Variants in RMDN2 observed in about 807,000 individuals in gnomAD.
RMDN2 encodes regulator of microtubule dynamics 2.
A neutral mutation model predicts 52.8 loss-of-function variants in RMDN2; 61 were observed. The ratio of observed to expected loss-of-function variants is 1.16; its 90% CI spans 0.94 to 1.43. The LOEUF (loss-of-function observed/expected upper bound fraction) is 1.43. Ranked by LOEUF, RMDN2 falls within the 40% of genes most tolerant of loss-of-function variation. The probability of loss-of-function intolerance (pLI) is 0.00; values close to 1 mark genes in which losing one functional copy is unlikely to be tolerated. For synonymous variants in RMDN2, 180 were observed against 153.1 expected (o/e 1.18, Z -1.30); for missense variants, 592 against 475.3 (o/e 1.25, Z -2.28).
intron 10 of RMDN2, among the ~76,000 whole-genome samples, chr2:38,052,207 C>G (rs900641540): frequency 3.3e-5 from 5 of 152,108 alleles, no homozygotes; most frequent in African/African-American, 4.8e-5. Context: ...TGATAATAGA[C>G]ATTGTAACTG....
intron 10 of RMDN2, among the ~76,000 whole-genome samples, chr2:38,059,225 TAATTTA>T (rs1213435253): frequency 6.6e-6 from 1 of 152,176 alleles, no homozygotes; most frequent in Non-Finnish European, 1.5e-5. Flanking sequence ...TAATTTTAAT[TAATTTA>T]AATTTAAATA....
At chr2:37,986,030 G>A (rs536310369) in intron 5 of RMDN2, among the ~76,000 whole-genome samples, 4 of 152,142 alleles carry the variant, frequency 2.6e-5, no homozygotes, top group Non-Finnish European at 5.9e-5. Flanking sequence ...TCTGTACTAT[G>A]AGAATTTTTT....
chr2:38,020,887 G>A (rs556111840), downstream of RMDN2, among the ~76,000 whole-genome samples: 1 of 152,326 alleles, frequency 6.6e-6, no homozygotes, highest in South Asian at 2.1e-4. Context: ...CAAGGGCTGA[G>A]GAGTGCGGCG....
At chr2:37,972,712 A>G (rs1017889006) in intron 2 of RMDN2, among the ~76,000 whole-genome samples, 1 of 152,094 alleles carries the variant, frequency 6.6e-6, no homozygotes, top group Non-Finnish European at 1.5e-5. Context: ...GCTTAGACCA[A>G]GGTGGTAGTG....
intron 10 of RMDN2, among the ~76,000 whole-genome samples, chr2:38,053,257 C>T (rs895057180): frequency 6.6e-6 from 1 of 152,250 alleles, no homozygotes. Flanking sequence ...CAAAGACCCA[C>T]AGCCTCACTT....
intron 5 of RMDN2, among the ~76,000 whole-genome samples, chr2:37,987,241 A>T (rs761180850): frequency 6.6e-6 from 1 of 151,242 alleles, no homozygotes; most frequent in East Asian, 1.9e-4. Context: ...ATTGAAATAC[A>T]TAGATGAAAA....
intron 2 of RMDN2, among the ~76,000 whole-genome samples, chr2:37,959,745 G>C (rs1489283352): frequency 1.3e-5 from 2 of 150,838 alleles, no homozygotes; most frequent in South Asian, 2.1e-4. Context: ...TGATGTTAGG[G>C]TGTCAATTTT....
At chr2:38,027,825 G>T (rs1360899491) in intron 10 of RMDN2, among the ~76,000 whole-genome samples, 2 of 152,152 alleles carry the variant, frequency 1.3e-5, no homozygotes, top group Non-Finnish European at 2.9e-5. Flanking sequence ...AATGCCATTG[G>T]AAATTATTAA....
At chr2:37,953,344 T>A (rs565329456) in intron 2 of RMDN2, among the ~76,000 whole-genome samples, 1 of 151,996 alleles carries the variant, frequency 6.6e-6, no homozygotes, top group African/African-American at 2.4e-5. Flanking sequence ...AAATAAGAAC[T>A]CTCTACTCTC....
intron 1 of RMDN2, among the ~76,000 whole-genome samples, chr2:37,926,752 A>G (rs1666311998): frequency 6.6e-6 from 1 of 152,200 alleles, no homozygotes; most frequent in Non-Finnish European, 1.5e-5. Flanking sequence ...GCCTAGCAAC[A>G]TAGGGAGACT....
At chr2:38,041,423 A>G (rs951111269) in intron 10 of RMDN2, among the ~76,000 whole-genome samples, 3 of 81,174 alleles carry the variant, frequency 3.7e-5, no homozygotes, top group Non-Finnish European at 6.8e-5. Flanking sequence ...CATTTTTTTT[A>G]TTGGTTTTTT....
Position 37,937,101 on chromosome 2 carries a change from G to T in RMDN2, c.452+7372G>T, listed in dbSNP as rs149653419. Among the ~76,000 whole-genome samples the T allele has an allele frequency of 1.4e-3, 218 of 152,112 alleles. 5 individuals are homozygous for T. The East Asian group carries it at 0.037, about 26-fold the overall frequency. On this transcript the variant is annotated intron_variant, in intron 2 of 10. Transcript: ENST00000354545. ...GTATCAGGTGTAAGGAAGGGGTCCAGTTTCAGTTTTTTTTTGCATATGGCT... is the reference window on the plus strand; with the variant it reads ...GTATCAGGTGTAAGGAAGGGGTCCATTTTCAGTTTTTTTTTGCATATGGCT...
At chr2:37,924,313 C>T (rs1000104937), upstream of RMDN2, among the ~76,000 whole-genome samples, 8 of 152,194 alleles carry the variant, frequency 5.3e-5, no homozygotes, top group Admixed American at 3.9e-4. Flanking sequence ...TAATGTTATG[C>T]AAACCTAAGC....
At chr2:38,005,656 G>T (rs894377135) in intron 10 of RMDN2, among the ~76,000 whole-genome samples, 17 of 152,030 alleles carry the variant, frequency 1.1e-4, no homozygotes, top group South Asian at 2.1e-4. Context: ...GTAGGTTGCC[G>T]GTTCACTCTG....
chr2:37,968,416 G>T (rs1671356964), intron 2 of RMDN2, among the ~76,000 whole-genome samples: 1 of 143,514 alleles, frequency 7.0e-6, no homozygotes, highest in South Asian at 2.2e-4. Context: ...TCCAGCCTGG[G>T]TGACAGAGCG....
chr2:38,050,308 A>C (rs541404314), intron 10 of RMDN2, among the ~76,000 whole-genome samples: 1 of 151,734 alleles, frequency 6.6e-6, no homozygotes, highest in Admixed American at 6.6e-5. Flanking sequence ...CTGCTGCACC[A>C]ATCTCACCAG....
intron 1 of RMDN2, among the ~76,000 whole-genome samples, chr2:37,928,122 T>C (rs1203146870): frequency 6.6e-6 from 1 of 152,258 alleles, no homozygotes; most frequent in Non-Finnish European, 1.5e-5. Context: ...TGGAAGATTA[T>C]TTTAAAGTCA....
intron 6 of RMDN2, among the ~76,000 whole-genome samples, chr2:37,990,614 T>C (rs1674659188): frequency 6.6e-6 from 1 of 151,242 alleles, no homozygotes; most frequent in African/African-American, 2.4e-5. Flanking sequence ...TCTCTGCATA[T>C]TGATTTGGTG....
chr2:37,940,838 G>A (rs1456008531), intron 2 of RMDN2, among the ~76,000 whole-genome samples: 2 of 152,170 alleles, frequency 1.3e-5, no homozygotes, highest in Non-Finnish European at 2.9e-5. Flanking sequence ...GTTAAAGCTT[G>A]CTCCTTTAGC....
Sources: gnomAD v4.1 joint callset for allele counts (sites outside exome capture counted in the v4.1 genomes callset) on GRCh38, gnomAD v4.1.1 for gene constraint, MANE v1.5 for transcripts, NCBI Gene and HGNC (gene_info 2026-07-23, HGNC 2026-07-21) for gene names.